Variants in FARS2 observed in about 807,000 individuals in gnomAD.
FARS2 encodes phenylalanyl-tRNA synthetase 2, mitochondrial, also known as phenylalanine--tRNA ligase, mitochondrial.
A neutral mutation model predicts 46.4 loss-of-function variants in FARS2; 40 were observed. The observed-to-expected ratio is 0.86, with a 90% CI of 0.67 to 1.12. The LOEUF is 1.12. FARS2 is among the 50% of genes most tolerant of loss of function. The probability of loss-of-function intolerance (pLI) is 0.00; values close to 1 mark genes in which losing one functional copy is unlikely to be tolerated. For synonymous variants in FARS2, 234 were observed against 214.9 expected, an observed-to-expected ratio of 1.09 and a Z score of -0.78; for missense variants, 513 against 567.9, an observed-to-expected ratio of 0.90 and a Z score of 0.98.
At chr6:5,704,726 A>G (rs1758639551) in intron 6 of FARS2, among the ~76,000 whole-genome samples, 1 of 152,230 alleles carries the variant, frequency 6.6e-6, no homozygotes, top group Non-Finnish European at 1.5e-5. Flanking sequence ...GTGAATCTAC[A>G]AGAGTCATGA....
chr6:5,408,743 A>G (rs1192637687), intron 3 of FARS2, among the ~76,000 whole-genome samples: 2 of 152,202 alleles, frequency 1.3e-5, no homozygotes, highest in Non-Finnish European at 2.9e-5. Flanking sequence ...CAAGACAATA[A>G]AAGCAGGGAG....
At chr6:5,518,690 T>C (rs897046446) in intron 4 of FARS2, among the ~76,000 whole-genome samples, 5 of 152,330 alleles carry the variant, frequency 3.3e-5, no homozygotes, top group African/African-American at 9.6e-5. Flanking sequence ...ATGTTGAAAG[T>C]ATAGTGTTTC....
chr6:5,673,389 T>A (rs1582727539), intron 6 of FARS2, among the ~76,000 whole-genome samples: 1 of 152,308 alleles, frequency 6.6e-6, no homozygotes, highest in African/African-American at 2.4e-5. Flanking sequence ...CTTCATTCCC[T>A]TCCTAGGGCA....
At chr6:5,572,451 G>A (rs1047970209) in intron 5 of FARS2, among the ~76,000 whole-genome samples, 6 of 152,146 alleles carry the variant, frequency 3.9e-5, no homozygotes, top group African/African-American at 1.2e-4. Flanking sequence ...CACTGGGGAT[G>A]CAATTCAGCA....
Position 5,519,675 on chromosome 6 carries a change from C to G in FARS2, c.905-25505C>G, listed in dbSNP as rs1018325431. On this transcript the variant is annotated intron_variant, in intron 4 of 6. Transcript: ENST00000274680. ...AGTATCCATTTTCTTAAACTACACT[C>G]TTAAAGGCAGTATGACTCTGAGTCC... is the stretch of plus-strand genomic sequence containing the variant. Among the ~76,000 whole-genome samples, 5 of 152,118 alleles carry G rather than the reference C, an allele frequency of 3.3e-5. No homozygotes were observed. The East Asian group carries it at 9.6e-4, about 29-fold the overall frequency.
chr6:5,719,909 A>G (rs183950333), intron 6 of FARS2, among the ~76,000 whole-genome samples: 2 of 152,380 alleles, frequency 1.3e-5, no homozygotes, highest in East Asian at 3.9e-4. Context: ...AGTGTGACAC[A>G]AACCTGTTGT....
At chr6:5,536,235 A>C (rs1349617270) in intron 4 of FARS2, among the ~76,000 whole-genome samples, 2 of 151,988 alleles carry the variant, frequency 1.3e-5, no homozygotes, top group Non-Finnish European at 2.9e-5. Context: ...TTTTTAGTAG[A>C]GATGGAGTTT....
intron 6 of FARS2, among the ~76,000 whole-genome samples, chr6:5,686,792 G>A (rs1582761123): frequency 1.3e-5 from 2 of 152,338 alleles, no homozygotes; most frequent in East Asian, 3.9e-4. Context: ...CTTCCACAAT[G>A]GTTGAACTAG....
chr6:5,263,261 C>G (rs1387867533), intron 1 of FARS2, among the ~76,000 whole-genome samples: 1 of 152,124 alleles, frequency 6.6e-6, no homozygotes, highest in Non-Finnish European at 1.5e-5. Flanking sequence ...TTGTTGTAAT[C>G]AAATAAAACT....
intron 4 of FARS2, among the ~76,000 whole-genome samples, chr6:5,544,411 T>C (rs1770832912): frequency 7.4e-5 from 2 of 27,132 alleles, no homozygotes; most frequent in African/African-American, 4.9e-4. Flanking sequence ...TAGTGTCCAG[T>C]TGGAATTATA....
chr6:5,710,938 G>A (rs1467482798), intron 6 of FARS2, among the ~76,000 whole-genome samples: 1 of 152,172 alleles, frequency 6.6e-6, no homozygotes, highest in East Asian at 1.9e-4. Context: ...CAATGGTGGC[G>A]AACAAACAGC....
At chr6:5,541,193 C>G (rs1315348164) in intron 4 of FARS2, among the ~76,000 whole-genome samples, 2 of 152,192 alleles carry the variant, frequency 1.3e-5, no homozygotes, top group Non-Finnish European at 2.9e-5. Flanking sequence ...CAGAATGGTG[C>G]TGATCCACAA....
intron 1 of FARS2, among the ~76,000 whole-genome samples, chr6:5,306,100 T>A (rs1768681415): frequency 6.6e-6 from 1 of 152,146 alleles, no homozygotes; most frequent in African/African-American, 2.4e-5. Context: ...GGGTAGAGGT[T>A]TAAGGTTGTT....
intron 1 of FARS2, among the ~76,000 whole-genome samples, chr6:5,268,143 A>G (rs1310738279): frequency 6.6e-6 from 1 of 151,938 alleles, no homozygotes; most frequent in Non-Finnish European, 1.5e-5. Flanking sequence ...ATTTTCTCCC[A>G]TTCTGTAGGT....
At chr6:5,450,838 T>A (rs1764450554) in intron 4 of FARS2, among the ~76,000 whole-genome samples, 5 of 152,066 alleles carry the variant, frequency 3.3e-5, no homozygotes, top group Admixed American at 3.3e-4. Flanking sequence ...CTGCTTGGAA[T>A]CCCTGGATAC....
intron 1 of FARS2, among the ~76,000 whole-genome samples, chr6:5,347,585 A>G (rs1757319622): frequency 6.6e-6 from 1 of 152,138 alleles, no homozygotes; most frequent in Admixed American, 6.5e-5. Context: ...TCTGGACTGC[A>G]TCCATTTTGG....
rs563238090 is a variant in FARS2, at chr6:5,496,980, A to C, written c.905-48200A>C. The stretch of plus-strand genomic sequence containing the variant: ...CCTGTGTGCATGCACCTCTGCACCC[A>C]GCTGTGAATATATGTTTTGAGGGGG... On this transcript the variant is annotated intron_variant, in intron 4 of 6. Transcript: ENST00000274680. Among the ~76,000 whole-genome samples, 4 of 152,190 alleles carry C rather than the reference A, an allele frequency of 2.6e-5. No individual in the cohort carries two copies. In the East Asian group the frequency reaches 7.7e-4, roughly 29 times the overall value.
At chr6:5,693,903 C>T (rs1212466851) in intron 6 of FARS2, among the ~76,000 whole-genome samples, 1 of 152,196 alleles carries the variant, frequency 6.6e-6, no homozygotes, top group African/African-American at 2.4e-5. Context: ...GTGGAAGCTC[C>T]GCTATCTTTG....
At chr6:5,539,170 G>C (rs1404545386) in intron 4 of FARS2, among the ~76,000 whole-genome samples, 2 of 151,410 alleles carry the variant, frequency 1.3e-5, no homozygotes, top group African/African-American at 2.4e-5. Context: ...CAACCTTTCA[G>C]TGTGGTCCTG....
Sources: allele counts gnomAD v4.1 joint callset (sites outside exome capture counted in the v4.1 genomes callset), GRCh38; gene constraint gnomAD v4.1.1; transcripts MANE v1.5; gene names NCBI Gene and HGNC (gene_info 2026-07-23, HGNC 2026-07-21).